Variants in TRIM71 observed in about 807,000 individuals in gnomAD.
TRIM71 encodes the protein E3 ubiquitin-protein ligase TRIM71.
TRIM71 carries 9 observed loss-of-function variants against 61.2 expected under a neutral mutation model. The ratio of observed to expected loss-of-function variants is 0.15; its 90% CI spans 0.09 to 0.26. The LOEUF is 0.26. TRIM71 is among the 10% of genes least tolerant of loss of function. The pLI, the probability that TRIM71 is intolerant of heterozygous loss-of-function variation, is 1.00. For missense variants in TRIM71, 998 were observed against 1,238.7 expected (o/e 0.81, Z 2.92); for synonymous variants, 645 against 553.2 (o/e 1.17, Z -2.33).
chr3:32,860,480 C>G (rs988429127), intron 1 of TRIM71, among the ~76,000 whole-genome samples: 2 of 152,042 alleles, frequency 1.3e-5, no homozygotes, highest in African/African-American at 4.8e-5. Context: ...TTAAAAAGGC[C>G]TTTAAATTTG....
chr3:32,887,513 C>T (rs912614072), intron 3 of TRIM71, among the ~76,000 whole-genome samples: 2 of 145,342 alleles, frequency 1.4e-5, no homozygotes, highest in African/African-American at 2.6e-5. Context: ...CTGTTCCTTC[C>T]CAGCAAATCC....
At chr3:32,819,140 C>T (rs1436263203) in intron 1 of TRIM71, among the ~76,000 whole-genome samples, 2 of 152,154 alleles carry the variant, frequency 1.3e-5, no homozygotes, top group African/African-American at 4.8e-5. Flanking sequence ...TCGCGAGGGG[C>T]TCCGAAAAAT....
intron 1 of TRIM71, among the ~76,000 whole-genome samples, chr3:32,865,869 A>C (rs1431634657): frequency 8.8e-6 from 1 of 113,600 alleles, no homozygotes; most frequent in African/African-American, 3.5e-5. Flanking sequence ...TTGTTCTGTC[A>C]CCCAGGCTGG....
At chr3:32,833,184 T>TTAA (rs1205034641) in intron 1 of TRIM71, among the ~76,000 whole-genome samples, 7 of 54,428 alleles carry the variant, frequency 1.3e-4, no homozygotes, top group Non-Finnish European at 2.3e-4. Flanking sequence ...ACTCTGTCTT[T>TTAA]AAAAAAAAAA....
At chr3:32,870,968 ATTT>A (rs537452978) in intron 1 of TRIM71, among the ~76,000 whole-genome samples, 1 of 137,862 alleles carries the variant, frequency 7.3e-6, no homozygotes, top group Non-Finnish European at 1.6e-5. Flanking sequence ...ACGCCCAGCA[ATTT>A]TTTTTTTTTT....
chr3:32,874,156 C>T (rs1162250046), intron 2 of TRIM71, among the ~76,000 whole-genome samples, 171 bp downstream of exon 2: 2 of 152,028 alleles, frequency 1.3e-5, no homozygotes, highest in African/African-American at 2.4e-5. Context: ...CTGGCAGTCT[C>T]GTGAAGATGT....
At chr3:32,864,514 C>CA (rs1696707458) in intron 1 of TRIM71, among the ~76,000 whole-genome samples, 1 of 152,192 alleles carries the variant, frequency 6.6e-6, no homozygotes, top group Non-Finnish European at 1.5e-5. Context: ...CAAGTAAGTC[C>CA]AAAGGGCCTA....
chr3:32,881,246 G>C (rs1009843421), intron 2 of TRIM71, among the ~76,000 whole-genome samples: 2 of 152,144 alleles, frequency 1.3e-5, no homozygotes, highest in African/African-American at 4.8e-5. Context: ...CTCAACTCCT[G>C]ACCTCAGGCA....
intron 2 of TRIM71, 65 bp downstream of exon 2, chr3:32,874,050 T>C: frequency 2.7e-6 from 4 of 1,504,056 alleles, no homozygotes; most frequent in Non-Finnish European, 3.6e-6. Context: ...TCGGGTGGCA[T>C]GGACAGACAA....
intron 2 of TRIM71, among the ~76,000 whole-genome samples, chr3:32,877,885 A>G (rs1209143006): frequency 6.6e-6 from 1 of 152,150 alleles, no homozygotes; most frequent in African/African-American, 2.4e-5. Context: ...AGCTTCTTCA[A>G]ACATCCTATT....
chr3:32,827,066 A>G (rs999413286), intron 1 of TRIM71, among the ~76,000 whole-genome samples: 13 of 151,520 alleles, frequency 8.6e-5, no homozygotes, highest in African/African-American at 3.1e-4. Context: ...CGCCCGGGCT[A>G]TGAGTTTGTT....
intron 1 of TRIM71, among the ~76,000 whole-genome samples, chr3:32,872,545 A>G (rs1024939963): frequency 6.6e-6 from 1 of 152,176 alleles, no homozygotes; most frequent in African/African-American, 2.4e-5. Context: ...CCTTCTCCCC[A>G]TCTCTGTCTC....
chr3:32,894,513 A>G lies in TRIM71; in HGVS notation c.*2702A>G, dbSNP rs901207441. On this transcript the variant is annotated 3_prime_UTR_variant, in exon 4 of 4. Coordinates refer to ENST00000383763, the MANE Select transcript of TRIM71 (RefSeq NM_001039111.3). ...CCTGAAATAGGTGTGTAGGTCAGAG[A>G]TACTACCTCTTTGTCCTCAGTGGTG... 1.3e-5 allele frequency: 2 copies of G among 152,106 alleles called. No individual in the cohort carries two copies. The highest frequency in any genetic ancestry group is 4.8e-5 in the African/African-American group (2 of 41,382). The allele number at this position is 152,106 out of a possible 1,614,324, so 9.4% of individuals were successfully genotyped here. A position where few individuals can be genotyped will look rare whatever the true frequency, so the allele number is the denominator to read the frequency against.
At chr3:32,868,171 G>GGCATC (rs1304546296) in intron 1 of TRIM71, among the ~76,000 whole-genome samples, 1 of 152,074 alleles carries the variant, frequency 6.6e-6, no homozygotes. Flanking sequence ...TGTGAACTGT[G>GGCATC]TCCATACTGA....
At position 32,891,878 on chromosome 3, in the gene TRIM71, CTT is replaced by C. The variant is rs140505850; in HGVS notation, c.*69_*70del. On this transcript the variant is annotated 3_prime_UTR_variant, in exon 4 of 4. Transcript: ENST00000383763. This position sits in a 1 kb window ranked among gnomAD's most constrained non-coding sequence, Gnocchi z 8.2. Reference sequence around the variant, plus strand: ...TCTCTCTCTCTCTCTCTCTCTTTCTCTTTCTCTCTCTTTTTGAATTTCAAAGA... The same window carrying C: ...TCTCTCTCTCTCTCTCTCTCTTTCTCTCTCTCTCTTTTTGAATTTCAAAGA... 0.38 allele frequency: 548,138 copies of C among 1,454,766 alleles called. 105,920 individuals carry two copies. The highest frequency in any genetic ancestry group is 0.41 in the Non-Finnish European group (447,277 of 1,080,778). The allele number at this position is 1,454,766 out of a possible 1,614,324, so 90.1% of individuals were successfully genotyped here. A position where few individuals can be genotyped will look rare whatever the true frequency, so the allele number is the denominator to read the frequency against.
At chr3:32,877,710 G>T (rs1256687161) in intron 2 of TRIM71, among the ~76,000 whole-genome samples, 1 of 152,058 alleles carries the variant, frequency 6.6e-6, no homozygotes, top group African/African-American at 2.4e-5. Flanking sequence ...ATTTTCTCAT[G>T]AGATGGCAAC....
At position 32,893,044 on chromosome 3, in the gene TRIM71, G is replaced by C. The variant is rs1697043254; in HGVS notation, c.*1233G>C. ...TATTTTACAAGCACAATTTTTTCCT[G>C]CTTTGAAAGTTCAGGGAAATAGAAG... On this transcript the variant is annotated 3_prime_UTR_variant, in exon 4 of 4. Coordinates refer to ENST00000383763, the MANE Select transcript of TRIM71 (RefSeq NM_001039111.3). The C allele has an allele frequency of 6.6e-6, 1 of 152,162 alleles. No individual in the cohort carries two copies. Among genetic ancestry groups the C allele is most frequent in the Non-Finnish European group, 1.5e-5 (1 of 68,036 alleles). The allele number at this position is 152,162 out of a possible 1,614,324, so 9.4% of individuals were successfully genotyped here. A position where few individuals can be genotyped will look rare whatever the true frequency, so the allele number is the denominator to read the frequency against.
intron 1 of TRIM71, among the ~76,000 whole-genome samples, chr3:32,834,751 A>G (rs1696313469): frequency 6.6e-6 from 1 of 152,096 alleles, no homozygotes; most frequent in Non-Finnish European, 1.5e-5. Context: ...CCGAGGCAGG[A>G]GAATCGCCTG....
In TRIM71 at chr3:32,891,868, CTCTCTT is replaced by C. The variant is rs1230821845; in HGVS notation, c.*69_*74del. The C allele has an allele frequency of 7.4e-6, 11 of 1,477,386 alleles. No individual in the cohort carries two copies. The East Asian group carries it at 9.3e-5, about 12-fold the overall frequency. The allele number at this position is 1,477,386 out of a possible 1,614,324, so 91.5% of individuals were successfully genotyped here. ...TGTGTGCGTGTCTCTCTCTCTCTCT[CTCTCTT>C]TCTCTTTCTCTCTCTTTTTGAATTT... On this transcript the variant is annotated 3_prime_UTR_variant, in exon 4 of 4. Coordinates refer to ENST00000383763, the MANE Select transcript of TRIM71 (RefSeq NM_001039111.3). The surrounding 1 kb of genome is among the most constrained non-coding windows in gnomAD (Gnocchi z 8.2).
Sources: allele counts gnomAD v4.1 joint callset (sites outside exome capture counted in the v4.1 genomes callset), GRCh38; gene constraint gnomAD v4.1.1; non-coding constraint Gnocchi (gnomAD v3.1); transcripts MANE v1.5; gene names NCBI Gene and HGNC (gene_info 2026-07-23, HGNC 2026-07-21).